The following SATB2 variants were observed in gnomAD, a reference collection of about 807,000 sequenced individuals.
SATB2 encodes the protein DNA-binding protein SATB2.
A neutral mutation model predicts 73.4 loss-of-function variants in SATB2; 1 was observed. That is an observed-to-expected ratio of 0.01 (90% confidence interval 0.00 to 0.06). The LOEUF (loss-of-function observed/expected upper bound fraction) is 0.06, where lower values mean the gene tolerates loss of function less well. SATB2 is among the 10% of genes least tolerant of loss of function. The pLI is 1.00. For missense variants in SATB2, 459 were observed against 945.8 expected, an observed-to-expected ratio of 0.49 and a Z score of 6.75; for synonymous variants, 397 against 367.0, an observed-to-expected ratio of 1.08 and a Z score of -0.93.
chr2:199,355,598 T>C (rs977910681), intron 6 of SATB2, among the ~76,000 whole-genome samples: 6 of 151,876 alleles, frequency 4.0e-5, no homozygotes, highest in African/African-American at 1.5e-4. Context: ...AAAAGCAAAC[T>C]GAAATTTCAA....
intron 3 of SATB2, among the ~76,000 whole-genome samples, chr2:199,419,482 C>T (rs1691099927): frequency 6.6e-6 from 1 of 152,146 alleles, no homozygotes; most frequent in Non-Finnish European, 1.5e-5. Flanking sequence ...AAAGATGTAC[C>T]TGCATTCCAT....
chr2:199,429,915 A>T (rs1309413828), intron 3 of SATB2, among the ~76,000 whole-genome samples: 1 of 152,232 alleles, frequency 6.6e-6, no homozygotes, highest in Non-Finnish European at 1.5e-5. Context: ...GTCTCGAAAT[A>T]AATTAATTAA....
intron 3 of SATB2, among the ~76,000 whole-genome samples, chr2:199,422,386 A>G: frequency 6.6e-6 from 1 of 152,026 alleles, no homozygotes; most frequent in East Asian, 1.9e-4. Flanking sequence ...AGGAGCTTAT[A>G]TATACAAATA....
At chr2:199,311,458 A>G (rs1427696808) in intron 9 of SATB2, among the ~76,000 whole-genome samples, 1 of 152,136 alleles carries the variant, frequency 6.6e-6, no homozygotes, top group Non-Finnish European at 1.5e-5. Flanking sequence ...TAATTAGCTT[A>G]TGAATGTATC....
chr2:199,400,108 A>G (rs1173878250), intron 3 of SATB2, among the ~76,000 whole-genome samples: 1 of 152,172 alleles, frequency 6.6e-6, no homozygotes, highest in Non-Finnish European at 1.5e-5. Flanking sequence ...CAGTACTTCC[A>G]GAGGGAATAG....
At chr2:199,292,854 A>AT (rs1692911372) in intron 10 of SATB2, among the ~76,000 whole-genome samples, 1 of 152,194 alleles carries the variant, frequency 6.6e-6, no homozygotes, top group African/African-American at 2.4e-5. Context: ...ACACAGAGGA[A>AT]TTTTAAGCCA....
At chr2:199,447,618 T>G (rs1487908433) in intron 2 of SATB2, among the ~76,000 whole-genome samples, 2 of 152,166 alleles carry the variant, frequency 1.3e-5, no homozygotes, top group African/African-American at 2.4e-5. Context: ...AGGTAGAATT[T>G]AAGAAAATGG....
At chr2:199,291,685 G>T (rs906291134) in intron 10 of SATB2, among the ~76,000 whole-genome samples, 3 of 152,082 alleles carry the variant, frequency 2.0e-5, no homozygotes, top group Non-Finnish European at 4.4e-5. Flanking sequence ...GGCCGAGGCG[G>T]GTGGATCACC....
At chr2:199,316,013 A>G (rs1687722964) in intron 9 of SATB2, among the ~76,000 whole-genome samples, 2 of 152,114 alleles carry the variant, frequency 1.3e-5, no homozygotes. Flanking sequence ...CCACATCTTC[A>G]ATACAGAAAA....
upstream of SATB2, among the ~76,000 whole-genome samples, chr2:199,466,179 G>A (rs950532345): frequency 3.9e-5 from 6 of 152,160 alleles, no homozygotes; most frequent in African/African-American, 4.8e-5. Flanking sequence ...AGTGAAGGAC[G>A]TCTCGCGCAT....
chr2:199,335,762 C>T (rs756963171), intron 7 of SATB2, among the ~76,000 whole-genome samples: 1 of 152,164 alleles, frequency 6.6e-6, no homozygotes, highest in Non-Finnish European at 1.5e-5. Flanking sequence ...AACAAGATAA[C>T]TGAAACTGAA....
At chr2:199,309,045 C>A in intron 9 of SATB2, 88 bp from the exon 10 acceptor site, 6 of 1,078,640 alleles carry the variant, frequency 5.6e-6, no homozygotes, top group Non-Finnish European at 8.4e-6. Flanking sequence ...CATCACAGTA[C>A]ATCTTTTTCT....
intron 5 of SATB2, among the ~76,000 whole-genome samples, chr2:199,369,344 C>T (rs1376652996): frequency 6.6e-6 from 1 of 152,096 alleles, no homozygotes; most frequent in Non-Finnish European, 1.5e-5. Flanking sequence ...TGCTCTCATC[C>T]TCCTCAGCCC....
At chr2:199,397,128 C>G (rs1338890355) in intron 3 of SATB2, 2 of 151,426 alleles carry the variant, frequency 1.3e-5, no homozygotes, top group African/African-American at 4.8e-5. Context: ...CTCTAGTATA[C>G]TTTCAAATCA....
At chr2:199,378,273 A>T (rs1024883568) in intron 5 of SATB2, among the ~76,000 whole-genome samples, 2 of 152,204 alleles carry the variant, frequency 1.3e-5, no homozygotes, top group African/African-American at 4.8e-5. Context: ...TAAATTTCTG[A>T]ATTGGTAATA....
chr2:199,341,860 G>A (rs1315918457), intron 7 of SATB2, among the ~76,000 whole-genome samples: 1 of 152,152 alleles, frequency 6.6e-6, no homozygotes, highest in Non-Finnish European at 1.5e-5. Context: ...TTATTAAGAT[G>A]GACTTCCAAG....
rs561275741 is a variant in SATB2 at position 199,354,760 on chromosome 2, G to A, written c.701-5587C>T. Among the ~76,000 whole-genome samples the A allele has an allele frequency of 2.6e-5, 4 of 152,254 alleles. No individual in the cohort carries two copies. The East Asian group carries it at 7.7e-4, about 29-fold the overall frequency. ...TTCCTGGGACTGAGTGAAAACTGCA[G>A]GGAATGGGCAGCCATTTTCCAACCA... On this transcript the variant is annotated intron_variant, in intron 6 of 10. Transcript: ENST00000417098.
At chr2:199,370,073 T>C (rs1240522857) in intron 5 of SATB2, among the ~76,000 whole-genome samples, 2 of 152,276 alleles carry the variant, frequency 1.3e-5, no homozygotes, top group Admixed American at 6.5e-5. Context: ...CCTTGTCTCC[T>C]GCCTTATAGG....
At chr2:199,427,984 C>T (rs890492726) in intron 3 of SATB2, among the ~76,000 whole-genome samples, 2 of 151,838 alleles carry the variant, frequency 1.3e-5, no homozygotes, top group Non-Finnish European at 2.9e-5. Flanking sequence ...GGTTTCAAAT[C>T]TTTTTTATTT....
Sources: gnomAD v4.1 joint callset for allele counts (sites outside exome capture counted in the v4.1 genomes callset) on GRCh38, gnomAD v4.1.1 for gene constraint, MANE v1.5 for transcripts, NCBI Gene and HGNC (gene_info 2026-07-23, HGNC 2026-07-21) for gene names.